Variants in ROBO1 observed in about 807,000 individuals in gnomAD.
ROBO1 encodes roundabout homolog 1.
In ROBO1, 149 loss-of-function variants were observed where a neutral mutation model predicts 195.9. That is an observed-to-expected ratio of 0.76 (90% CI 0.67 to 0.87). ROBO1 has a LOEUF of 0.87. Ranked by LOEUF, ROBO1 falls within the 40% of genes least tolerant of loss-of-function variation. The probability of loss-of-function intolerance (pLI) is 0.00; values close to 1 mark genes in which losing one functional copy is unlikely to be tolerated. For synonymous variants in ROBO1, 816 were observed against 733.2 expected, an observed-to-expected ratio of 1.11 and a Z score of -1.82; for missense variants, 1,933 against 2,068.3, an observed-to-expected ratio of 0.93 and a Z score of 1.27.
chr3:79,242,183 T>A (rs1347524365), intron 2 of ROBO1, among the ~76,000 whole-genome samples: 2 of 151,788 alleles, frequency 1.3e-5, no homozygotes, highest in African/African-American at 4.8e-5. Flanking sequence ...GTGTTGAAGA[T>A]GGCAGAGAAA....
At chr3:79,112,699 T>G (rs1024504936) in intron 3 of ROBO1, among the ~76,000 whole-genome samples, 2 of 149,854 alleles carry the variant, frequency 1.3e-5, no homozygotes, top group Middle Eastern at 3.4e-3. Context: ...TAGGTGGGAA[T>G]TGAACAATGA....
At chr3:79,239,667 A>G (rs1291884457) in intron 2 of ROBO1, among the ~76,000 whole-genome samples, 2 of 152,206 alleles carry the variant, frequency 1.3e-5, no homozygotes, top group African/African-American at 4.8e-5. Context: ...TACCTCAGTG[A>G]TGCTGTGAGC....
chr3:79,158,623 A>G (rs2080900123), intron 2 of ROBO1, among the ~76,000 whole-genome samples: 1 of 151,866 alleles, frequency 6.6e-6, no homozygotes, highest in East Asian at 2.0e-4. Context: ...TGTTGTAAGG[A>G]GTGAAGCAAG....
chr3:79,753,511 T>A (rs1268827671), intron 1 of ROBO1, among the ~76,000 whole-genome samples: 1 of 152,196 alleles, frequency 6.6e-6, no homozygotes, highest in East Asian at 1.9e-4. Flanking sequence ...CAAGAGTGTG[T>A]GCAAAAAATT....
At chr3:79,227,095 C>A (rs2082239683) in intron 2 of ROBO1, among the ~76,000 whole-genome samples, 1 of 152,200 alleles carries the variant, frequency 6.6e-6, no homozygotes, top group African/African-American at 2.4e-5. Flanking sequence ...CACTTAACAT[C>A]TTTGTCCTTT....
chr3:78,869,852 T>C (rs975779095), intron 4 of ROBO1, among the ~76,000 whole-genome samples: 1 of 152,178 alleles, frequency 6.6e-6, no homozygotes, highest in African/African-American at 2.4e-5. Flanking sequence ...TCTGTGGATT[T>C]AGTAAATTAA....
chr3:78,830,400 C>T (rs561022663), intron 4 of ROBO1, among the ~76,000 whole-genome samples: 8 of 152,254 alleles, frequency 5.3e-5, no homozygotes, highest in African/African-American at 9.6e-5. Flanking sequence ...TCTGTTCTCA[C>T]GCTGCTAATA....
intron 2 of ROBO1, among the ~76,000 whole-genome samples, chr3:79,520,002 T>A (rs1464021810): frequency 1.3e-5 from 2 of 151,462 alleles, no homozygotes; most frequent in East Asian, 2.0e-4. Context: ...GTAGAAAAAA[T>A]TTTAAAAAAG....
chr3:79,408,214 G>C (rs188683180), intron 2 of ROBO1, among the ~76,000 whole-genome samples: 2 of 146,490 alleles, frequency 1.4e-5, no homozygotes, highest in African/African-American at 2.5e-5. Context: ...GTGAAATTCC[G>C]TCTCAAAAAA....
intron 2 of ROBO1, among the ~76,000 whole-genome samples, chr3:79,308,492 T>G (rs1238842206): frequency 6.6e-6 from 1 of 152,188 alleles, no homozygotes; most frequent in Admixed American, 6.5e-5. Context: ...CAAATTCTCC[T>G]GGATACCTAT....
chr3:78,671,230 T>C (rs1322782230), intron 10 of ROBO1, among the ~76,000 whole-genome samples: 1 of 152,118 alleles, frequency 6.6e-6, no homozygotes, highest in Admixed American at 6.5e-5. Flanking sequence ...GTGTTGGAAC[T>C]AGAATAAATC....
chr3:79,724,692 G>A (rs1277980625), intron 1 of ROBO1, among the ~76,000 whole-genome samples: 1 of 152,104 alleles, frequency 6.6e-6, no homozygotes, highest in Non-Finnish European at 1.5e-5. Flanking sequence ...CTTTAGATAC[G>A]ACCTTGATTG....
At chr3:79,684,078 G>T (rs969393001) in intron 1 of ROBO1, among the ~76,000 whole-genome samples, 3 of 151,960 alleles carry the variant, frequency 2.0e-5, no homozygotes, top group African/African-American at 7.2e-5. Context: ...AATATATGAG[G>T]ACTCCAGTTT....
intron 2 of ROBO1, among the ~76,000 whole-genome samples, chr3:79,534,795 A>G (rs1177505747): frequency 6.6e-6 from 1 of 152,056 alleles, no homozygotes; most frequent in Non-Finnish European, 1.5e-5. Context: ...CTTGTCTCCA[A>G]ATAGAATTTG....
intron 2 of ROBO1, among the ~76,000 whole-genome samples, chr3:79,496,541 G>A (rs1939755156): frequency 6.8e-6 from 1 of 147,744 alleles, no homozygotes; most frequent in South Asian, 2.2e-4. Flanking sequence ...CCGCCACCGC[G>A]CCCGGCTAAT....
At chr3:79,007,170 TA>T (rs1271788931) in intron 3 of ROBO1, among the ~76,000 whole-genome samples, 1 of 152,054 alleles carries the variant, frequency 6.6e-6, no homozygotes, top group East Asian at 1.9e-4. Context: ...ATAACAAGTT[TA>T]AAAAGAACAA....
chr3:79,032,234 AG>A (rs1440783202), intron 3 of ROBO1, among the ~76,000 whole-genome samples: 2 of 152,070 alleles, frequency 1.3e-5, no homozygotes, highest in African/African-American at 4.8e-5. Flanking sequence ...TACACAATAC[AG>A]GGTACATAAT....
chr3:78,907,146 C>A (rs1419796867), intron 4 of ROBO1, among the ~76,000 whole-genome samples: 1 of 152,028 alleles, frequency 6.6e-6, no homozygotes, highest in Non-Finnish European at 1.5e-5. Flanking sequence ...AAATCTAAAA[C>A]CACATCACTC....
At chr3:79,456,610 CAT>C (rs2039627080) in intron 2 of ROBO1, among the ~76,000 whole-genome samples, 1 of 152,158 alleles carries the variant, frequency 6.6e-6, no homozygotes, top group African/African-American at 2.4e-5. Flanking sequence ...TAAGAACCAA[CAT>C]GAAGTTTTCT....
Sources: gnomAD v4.1 joint callset for allele counts (sites outside exome capture counted in the v4.1 genomes callset) on GRCh38, gnomAD v4.1.1 for gene constraint, MANE v1.5 for transcripts, NCBI Gene and HGNC (gene_info 2026-07-23, HGNC 2026-07-21) for gene names.